RSPO3: variants seen among roughly 807,000 people sequenced by gnomAD.
The protein encoded by RSPO3 is R-spondin-3.
Under a neutral mutation model 36.5 loss-of-function variants are expected in RSPO3, and 17 were observed. The observed-to-expected ratio is 0.47, with a 90% CI of 0.32 to 0.70. The LOEUF (loss-of-function observed/expected upper bound fraction) is 0.70, where lower values mean the gene tolerates loss of function less well. Ranked by LOEUF, RSPO3 falls within the 30% of genes least tolerant of loss-of-function variation. RSPO3 has a pLI of 0.04. For missense variants in RSPO3, 294 were observed against 322.5 expected (o/e 0.91, Z 0.68); for synonymous variants, 108 against 107.0 (o/e 1.01, Z -0.06).
At chr6:127,125,465 G>C (rs9482771) in intron 1 of RSPO3, among the ~76,000 whole-genome samples, 68,618 of 151,920 alleles carry the variant, frequency 0.45, 15,521 homozygotes, top group East Asian at 0.54. Context: ...CCAAGCTAAA[G>C]TTTTTCATCT....
At position 127,197,641 on chromosome 6, in the gene RSPO3, G is replaced by A; in HGVS notation, c.*1634G>A. The stretch of plus-strand genomic sequence containing the variant: ...TTCTGAAGAATTTGCAATGACTCTG[G>A]CTTCTGGCTGCTTATCTCTGGACAC... On this transcript the variant is annotated 3_prime_UTR_variant, in exon 5 of 5. Coordinates refer to ENST00000356698, the MANE Select transcript of RSPO3 (RefSeq NM_032784.5). 1 of 1,288,702 alleles carries A rather than the reference G, an allele frequency of 7.8e-7. No individual in the cohort carries two copies. The highest frequency in any genetic ancestry group is 1.6e-5 in the South Asian group (1 of 64,204). The allele number at this position is 1,288,702 out of a possible 1,614,324, so 79.8% of individuals were successfully genotyped here.
chr6:127,184,010 C>G (rs1230826048), intron 4 of RSPO3, among the ~76,000 whole-genome samples: 1 of 151,914 alleles, frequency 6.6e-6, no homozygotes, highest in African/African-American at 2.4e-5. Flanking sequence ...GGAAAAGCCC[C>G]TTATAAAACC....
Position 127,148,670 on chromosome 6 carries a change from C to T in RSPO3, c.120C>T (p.Gly40=). The change falls in exon 2 of 5, where the codon GGC becomes GGT. Residue 40 remains glycine, a synonymous_variant. Transcript: ENST00000356698. ...QRRMHPNVSQ[G]CQGGCATCSD... Reference sequence around the variant, plus strand: ...CAGTGCATCCTAACGTTAGTCAAGGCTGCCAAGGAGGCTGTGCAACATGCT... The same window carrying T: ...CAGTGCATCCTAACGTTAGTCAAGGTTGCCAAGGAGGCTGTGCAACATGCT... 3 of 1,612,362 alleles carry T rather than the reference C, an allele frequency of 1.9e-6. No individual in the cohort carries two copies. The highest frequency in any genetic ancestry group is 2.5e-6 in the Non-Finnish European group (3 of 1,178,908).
chr6:127,125,436 A>C (rs1036467307), intron 1 of RSPO3, among the ~76,000 whole-genome samples: 7 of 152,194 alleles, frequency 4.6e-5, no homozygotes, highest in African/African-American at 1.4e-4. Context: ...GAATAACCCA[A>C]GAAAGTCCTT....
intron 4 of RSPO3, among the ~76,000 whole-genome samples, chr6:127,183,914 G>A (rs1300349852): frequency 6.6e-6 from 1 of 151,910 alleles, no homozygotes; most frequent in Non-Finnish European, 1.5e-5. Context: ...GTTCAGCATG[G>A]CCTCAAGAAA....
intron 4 of RSPO3, among the ~76,000 whole-genome samples, chr6:127,167,899 T>C (rs1326983333): frequency 6.6e-6 from 1 of 151,990 alleles, no homozygotes; most frequent in East Asian, 1.9e-4. Context: ...CTGAGAATGA[T>C]GGTTTCCAGC....
At chr6:127,195,071 A>C (rs1374686565) in intron 4 of RSPO3, among the ~76,000 whole-genome samples, 1 of 152,244 alleles carries the variant, frequency 6.6e-6, no homozygotes, top group East Asian at 1.9e-4. Flanking sequence ...TCTCTTAGAT[A>C]GCAGGCAAAT....
chr6:127,187,468 C>T (rs1775320027), intron 4 of RSPO3, among the ~76,000 whole-genome samples: 1 of 151,954 alleles, frequency 6.6e-6, no homozygotes, highest in Non-Finnish European at 1.5e-5. Context: ...TAATATTTGA[C>T]GGTGCTTAAT....
chr6:127,185,908 G>T (rs896693453), intron 4 of RSPO3, among the ~76,000 whole-genome samples: 1 of 152,126 alleles, frequency 6.6e-6, no homozygotes, highest in Admixed American at 6.6e-5. Flanking sequence ...TTGGGTAAGG[G>T]AATGAGTATA....
At chr6:127,187,098 G>C (rs1775309740) in intron 4 of RSPO3, among the ~76,000 whole-genome samples, 1 of 152,148 alleles carries the variant, frequency 6.6e-6, no homozygotes, top group South Asian at 2.1e-4. Flanking sequence ...GCAGCAGGGG[G>C]CGCCAGCGGG....
At chr6:127,184,551 AAGAATGAAAGTAAT>A (rs1775252760) in intron 4 of RSPO3, among the ~76,000 whole-genome samples, 1 of 151,990 alleles carries the variant, frequency 6.6e-6, no homozygotes, top group South Asian at 2.1e-4. Flanking sequence ...TGACTATCCA[AAGAATGAAAGTAAT>A]TATTTGATTT....
At chr6:127,179,318 G>A (rs1775133250) in intron 4 of RSPO3, among the ~76,000 whole-genome samples, 1 of 151,710 alleles carries the variant, frequency 6.6e-6, no homozygotes, top group African/African-American at 2.4e-5. Flanking sequence ...ATTAGAATGT[G>A]GTTTCTTTCT....
intron 4 of RSPO3, among the ~76,000 whole-genome samples, chr6:127,178,892 C>A (rs1321798375): frequency 1.3e-5 from 2 of 151,768 alleles, no homozygotes; most frequent in Non-Finnish European, 2.9e-5. Flanking sequence ...TCAGGAGGTT[C>A]TGATAGGAAG....
At chr6:127,125,487 A>C (rs1773922357) in intron 1 of RSPO3, among the ~76,000 whole-genome samples, 1 of 152,154 alleles carries the variant, frequency 6.6e-6, no homozygotes, top group Admixed American at 6.6e-5. Context: ...CAAAATGAGG[A>C]GGTTGATCAA....
intron 4 of RSPO3, among the ~76,000 whole-genome samples, chr6:127,182,636 T>C (rs1489465783): frequency 6.6e-6 from 1 of 152,000 alleles, no homozygotes; most frequent in Non-Finnish European, 1.5e-5. Context: ...TTAATTGCAT[T>C]GCACATAACA....
intron 4 of RSPO3, among the ~76,000 whole-genome samples, chr6:127,184,540 T>C (rs558374901): frequency 6.1e-4 from 93 of 152,022 alleles, no homozygotes; most frequent in African/African-American, 2.2e-3. Flanking sequence ...GCATAGGAGG[T>C]TGACTATCCA....
chr6:127,189,580 T>A (rs1305018003), intron 4 of RSPO3, among the ~76,000 whole-genome samples: 12 of 152,286 alleles, frequency 7.9e-5, no homozygotes. Context: ...CAAAACAGCA[T>A]GATACAAATA....
At chr6:127,124,857 G>A (rs1026419657) in intron 1 of RSPO3, among the ~76,000 whole-genome samples, 94 of 152,058 alleles carry the variant, frequency 6.2e-4, no homozygotes, top group East Asian at 1.9e-4. Context: ...AAAGAATGGG[G>A]TGTTCCATTC....
In RSPO3 at chr6:127,196,031, A is replaced by T. The variant is rs780264652; in HGVS notation, c.*24A>T. 48 of 1,555,462 alleles carry T rather than the reference A, an allele frequency of 3.1e-5. No individual in the cohort carries two copies. Among genetic ancestry groups the T allele is most frequent in the Middle Eastern group, 3.4e-4 (2 of 5,866 alleles). On this transcript the variant is annotated 3_prime_UTR_variant, in exon 5 of 5. Coordinates refer to ENST00000356698, the MANE Select transcript of RSPO3 (RefSeq NM_032784.5). ...AGAGGGTTCCATGAGATTATTGTAG[A>T]CTCATGATGCTGCTATCTCAACCAG...
Sources: allele counts gnomAD v4.1 joint callset (sites outside exome capture counted in the v4.1 genomes callset), GRCh38; gene constraint gnomAD v4.1.1; transcripts MANE v1.5; gene names NCBI Gene and HGNC (gene_info 2026-07-23, HGNC 2026-07-21).